CNTFR: variants seen among roughly 807,000 people sequenced by gnomAD.
CNTFR encodes the protein ciliary neurotrophic factor receptor.
A neutral mutation model predicts 40.4 loss-of-function variants in CNTFR; 12 were observed. The observed-to-expected ratio is 0.30, with a 90% confidence interval of 0.19 to 0.48. The LOEUF (loss-of-function observed/expected upper bound fraction) is 0.48. Ranked by LOEUF, CNTFR falls within the 20% of genes least tolerant of loss-of-function variation. The probability of loss-of-function intolerance (pLI) is 0.99; values close to 1 mark genes in which losing one functional copy is unlikely to be tolerated. For missense variants in CNTFR, 414 were observed against 506.8 expected, an observed-to-expected ratio of 0.82 and a Z score of 1.76; for synonymous variants, 202 against 209.6, an observed-to-expected ratio of 0.96 and a Z score of 0.31.
chr9:34,552,177 T>TGGCAGTGGC lies in CNTFR; in HGVS notation c.1093_1101dup (p.Ala365_Ala367dup), dbSNP rs948705938. Reference sequence around the variant, plus strand: ...TCAACCTACCAGATCAAGAGACTGCTGGCAGTGGCGGCAGCGGCAGCCAGG... The same window carrying TGGCAGTGGC: ...TCAACCTACCAGATCAAGAGACTGCTGGCAGTGGCGGCAGTGGCGGCAGCGGCAGCCAGG... On this transcript the variant is annotated inframe_insertion, in exon 9 of 10. Transcript: ENST00000378980. This position sits in a 1 kb window ranked among gnomAD's most constrained non-coding sequence, Gnocchi z 5.1. 1 of 1,597,852 alleles carries TGGCAGTGGC rather than the reference T, an allele frequency of 6.3e-7. No homozygotes were observed. The highest frequency in any genetic ancestry group is 8.5e-7 in the Non-Finnish European group (1 of 1,172,784).
chr9:34,582,293 A>T (rs1046600208), intron 1 of CNTFR: 2 of 127,974 alleles, frequency 1.6e-5, no homozygotes, highest in African/African-American at 5.7e-5. Context: ...AAAAAAAAAA[A>T]AAAACACAAG....
In CNTFR at chr9:34,576,118, C is replaced by T. The variant is rs1008951975; in HGVS notation, c.-1+4977G>A. On this transcript the variant is annotated intron_variant, in intron 2 of 9. Coordinates refer to ENST00000378980, the MANE Select transcript of CNTFR (RefSeq NM_147164.3). ...CACCCGGCAGAGCTCTCAAAGCCCC[C>T]GCCTCCTCAGACACACAGGGCCAGA... Among the ~76,000 whole-genome samples, 8 of 152,200 alleles carry T rather than the reference C, an allele frequency of 5.3e-5. No individual in the cohort carries two copies. In the South Asian group the frequency reaches 8.3e-4, roughly 16 times the overall value.
intron 3 of CNTFR, among the ~76,000 whole-genome samples, chr9:34,565,178 T>C (rs1285780310): frequency 3.3e-5 from 5 of 152,056 alleles, no homozygotes; most frequent in Admixed American, 6.5e-5. Flanking sequence ...CTCCAGTCCC[T>C]GGGTTTTTTA....
chr9:34,552,487 C>T lies in CNTFR; in HGVS notation c.950-158G>A, dbSNP rs1471957492. Among the ~76,000 whole-genome samples, 1 of 152,170 alleles carries T rather than the reference C, an allele frequency of 6.6e-6. No individual in the cohort carries two copies. The highest frequency in any genetic ancestry group is 1.5e-5 in the Non-Finnish European group (1 of 68,010). The stretch of plus-strand genomic sequence containing the variant: ...CCAAGGCTCACAGATAACCCCTCCA[C>T]CCAATGACCCCTACCAAGGATGTCC... On this transcript the variant is annotated intron_variant, in intron 8 of 9. Transcript: ENST00000378980. The surrounding 1 kb of genome is among the most constrained non-coding windows in gnomAD (Gnocchi z 5.1).
rs189100762 is a variant in CNTFR, at chr9:34,570,381, T to C, written c.1-1400A>G. Among the ~76,000 whole-genome samples the C allele has an allele frequency of 7.9e-4, 120 of 152,224 alleles. 1 individual carries two copies. The highest frequency in any genetic ancestry group is 5.9e-5 in the Non-Finnish European group (4 of 68,022). Reference sequence around the variant, plus strand: ...CCAGAAACACTGTAAAGGACTCAGCTAGACCCAGGCAGATACACTGCCGAA... The same window carrying C: ...CCAGAAACACTGTAAAGGACTCAGCCAGACCCAGGCAGATACACTGCCGAA... On this transcript the variant is annotated intron_variant, in intron 2 of 9. Transcript: ENST00000378980.
At chr9:34,577,857 T>G (rs1587163706) in intron 2 of CNTFR, among the ~76,000 whole-genome samples, 2 of 142,856 alleles carry the variant, frequency 1.4e-5, no homozygotes, top group African/African-American at 2.6e-5. Flanking sequence ...AGAGACAGCT[T>G]GGCAGGGGGA....
At chr9:34,569,236 A>G (rs566399574) in intron 2 of CNTFR, among the ~76,000 whole-genome samples, 3 of 152,342 alleles carry the variant, frequency 2.0e-5, no homozygotes, top group Non-Finnish European at 2.9e-5. Context: ...ATGGGGCTCA[A>G]GATCTTCTTT....
At chr9:34,554,001 C>T (rs746646837) in intron 7 of CNTFR, among the ~76,000 whole-genome samples, 3 of 152,132 alleles carry the variant, frequency 2.0e-5, no homozygotes, top group Non-Finnish European at 2.9e-5. Context: ...TGGGCATGTG[C>T]GGTGGGTCCA....
At chr9:34,578,518 G>A (rs1337445333) in intron 2 of CNTFR, among the ~76,000 whole-genome samples, 1 of 152,204 alleles carries the variant, frequency 6.6e-6, no homozygotes, top group African/African-American at 2.4e-5. Context: ...GCTGGTCTCA[G>A]GGCTGACCTC....
chr9:34,568,764 T>A (rs1826429878), intron 3 of CNTFR, 133 bp downstream of exon 3: 5 of 756,750 alleles, frequency 6.6e-6, no homozygotes, highest in Middle Eastern at 2.3e-4. Flanking sequence ...CATGACTCCA[T>A]GTCCCTCTGG....
intron 2 of CNTFR, among the ~76,000 whole-genome samples, chr9:34,572,899 C>T (rs906868440): frequency 6.6e-6 from 1 of 152,218 alleles, no homozygotes; most frequent in African/African-American, 2.4e-5. Context: ...CAATGAGACT[C>T]AGTCACATCG....
chr9:34,560,747 GAGACACCCAAGTGACTGT>G, intron 4 of CNTFR, among the ~76,000 whole-genome samples: 1 of 152,256 alleles, frequency 6.6e-6, no homozygotes, highest in African/African-American at 2.4e-5. Flanking sequence ...GGGGGCTCTT[GAGACACCCAAGTGACTGT>G]CAGCCTGTGG....
chr9:34,553,354 T>C (rs565083880), intron 7 of CNTFR, among the ~76,000 whole-genome samples: 1 of 152,244 alleles, frequency 6.6e-6, no homozygotes. Flanking sequence ...CCCTTAGTAG[T>C]GAGGTGACCA....
At position 34,557,609 on chromosome 9, in the gene CNTFR, G is replaced by C. The variant is rs746147982; in HGVS notation, c.521C>G (p.Thr174Ser). 6.2e-7 allele frequency: 1 copy of C among 1,614,204 alleles called. No homozygotes were observed. The highest frequency in any genetic ancestry group is 8.5e-7 in the Non-Finnish European group (1 of 1,180,018). ...ACTTATGGAGACCTTGTACTTGATG[G>C]TGGAGAACAGGTGCATGTAGCGAAT... ...CHIRYMHLFS[T>S]IKYKVSISVS... The change falls in exon 6 of 10, where the codon ACC (threonine) becomes AGC (serine). Residue 174 changes from threonine (T) to serine (S), a missense_variant. By Grantham distance (58) the Thr-to-Ser change is moderately conservative (BLOSUM62 1). Around this residue, in one of 3 missense-constraint regions of CNTFR, gnomAD observed 250 missense variants for 269.5 expected, o/e 0.93. Transcript: ENST00000378980. The surrounding 1 kb of genome is among the most constrained non-coding windows in gnomAD (Gnocchi z 4.2).
intron 2 of CNTFR, among the ~76,000 whole-genome samples, chr9:34,570,910 G>T (rs1826584577): frequency 6.6e-6 from 1 of 152,142 alleles, no homozygotes; most frequent in Admixed American, 6.5e-5. Context: ...TGCTACCCTT[G>T]ACCCTCTCCA....
At chr9:34,581,023 T>C (rs899282731) in intron 2 of CNTFR, 72 bp downstream of exon 2, 4 of 152,408 alleles carry the variant, frequency 2.6e-5, no homozygotes, top group Non-Finnish European at 5.9e-5. Flanking sequence ...TCATGTCCCC[T>C]AGACGTACAG....
chr9:34,552,419 C>CAGGA lies in CNTFR; in HGVS notation c.950-91_950-90insTCCT. ...ATGAGACATACCATTCTGCTTCCTG[C>CAGGA]ATCAGACTGGTACTGCCTCCCCCAT... On this transcript the variant is annotated intron_variant, in intron 8 of 9. Coordinates refer to ENST00000378980, the MANE Select transcript of CNTFR (RefSeq NM_147164.3). The surrounding 1 kb of genome is among the most constrained non-coding windows in gnomAD (Gnocchi z 5.1). 1 of 1,341,304 alleles carries CAGGA rather than the reference C, an allele frequency of 7.5e-7. No individual in the cohort carries two copies. The allele number at this position is 1,341,304 out of a possible 1,614,324, so 83.1% of individuals were successfully genotyped here.
Position 34,588,621 on chromosome 9 carries a change from C to CT in CNTFR, c.-112+933dup, listed in dbSNP as rs146036908. 9.7e-3 allele frequency among the ~76,000 whole-genome samples: 1,483 copies of CT among 152,230 alleles called. 21 individuals carry two copies. Among genetic ancestry groups the CT allele is most frequent in the African/African-American group, 0.033 (1,366 of 41,514 alleles). ...CACAGACGCTTCTCAAAAAGAGAGA[C>CT]TAGACGGAAAGAAAGAAAATCCTGA... On this transcript the variant is annotated intron_variant, in intron 1 of 9. Coordinates refer to ENST00000378980, the MANE Select transcript of CNTFR (RefSeq NM_147164.3).
intron 7 of CNTFR, among the ~76,000 whole-genome samples, chr9:34,554,418 C>T (rs894426051): frequency 1.3e-5 from 2 of 152,294 alleles, no homozygotes; most frequent in South Asian, 4.1e-4. Flanking sequence ...GAGGTCAGTG[C>T]TCTCCTCGGG....
Sources: allele counts gnomAD v4.1 joint callset (sites outside exome capture counted in the v4.1 genomes callset), GRCh38; gene constraint gnomAD v4.1.1; regional missense constraint gnomAD v4.1.1; non-coding constraint Gnocchi (gnomAD v3.1); transcripts MANE v1.5; gene names NCBI Gene and HGNC (gene_info 2026-07-23, HGNC 2026-07-21).